The following AIG1 variants were observed in gnomAD, a reference collection of about 807,000 sequenced individuals.
AIG1 encodes the protein androgen induced 1.
A neutral mutation model predicts 31.4 loss-of-function variants in AIG1; 23 were observed. The ratio of observed to expected loss-of-function variants is 0.73; its 90% CI spans 0.53 to 1.04. The LOEUF (loss-of-function observed/expected upper bound fraction) is 1.04. Among genes scored for constraint, AIG1 ranks in the 50% least tolerant of loss-of-function variants. AIG1 has a pLI of 0.00. For missense variants in AIG1, 274 were observed against 295.0 expected (o/e 0.93, Z 0.52); for synonymous variants, 100 against 110.5 (o/e 0.90, Z 0.60).
chr6:143,284,270 C>T lies in AIG1; in HGVS notation c.515+45C>T. ...GGCTTTCTTATTGTATTAGATTTTG[C>T]ACTGCTAAATTTGGGCACATATTTC... is the stretch of plus-strand genomic sequence containing the variant. On this transcript the variant is annotated intron_variant, in intron 4 of 5. Coordinates refer to ENST00000357847, the MANE Select transcript of AIG1 (RefSeq NM_016108.4). The surrounding 1 kb of genome is among the most constrained non-coding windows in gnomAD (Gnocchi z 4.4). 1 of 1,425,860 alleles carries T rather than the reference C, an allele frequency of 7.0e-7. No homozygotes were observed. Among genetic ancestry groups the T allele is most frequent in the South Asian group, 1.2e-5 (1 of 84,008 alleles). The allele number at this position is 1,425,860 out of a possible 1,614,324, so 88.3% of individuals were successfully genotyped here.
chr6:143,235,453 A>C (rs1245835784), intron 3 of AIG1, among the ~76,000 whole-genome samples: 1 of 152,094 alleles, frequency 6.6e-6, no homozygotes, highest in African/African-American at 2.4e-5. Flanking sequence ...GGAAATGTAC[A>C]TATCTACAGG....
rs1476757487 is a variant in AIG1 at position 143,333,268 on chromosome 6, C to T, written c.516-14C>T. The T allele has an allele frequency of 1.6e-5, 25 of 1,595,338 alleles. No homozygotes were observed. Among genetic ancestry groups the T allele is most frequent in the Admixed American group, 7.1e-5 (4 of 56,634 alleles). On this transcript the variant is annotated splice_polypyrimidine_tract_variant and intron_variant, in intron 4 of 5. Transcript: ENST00000357847. The surrounding 1 kb of genome is among the most constrained non-coding windows in gnomAD (Gnocchi z 4.6). The stretch of plus-strand genomic sequence containing the variant: ...GTGACTCCTGTCCTTGTCTCCTTTC[C>T]GATTCTTTTGCAGGGTGTGCTGGGT...
intron 5 of AIG1, among the ~76,000 whole-genome samples, chr6:143,337,537 G>A (rs574804634): frequency 6.6e-6 from 1 of 152,282 alleles, no homozygotes; most frequent in Admixed American, 6.5e-5. Context: ...CTTTACTTAA[G>A]CTAAGACTTT....
At position 143,298,032 on chromosome 6, in the gene AIG1, A is replaced by G. The variant is rs1188448484; in HGVS notation, c.515+13807A>G. Among the ~76,000 whole-genome samples, 2 of 151,954 alleles carry G rather than the reference A, an allele frequency of 1.3e-5. No homozygotes were observed. The highest frequency in any genetic ancestry group is 2.9e-5 in the Non-Finnish European group (2 of 68,008). On this transcript the variant is annotated intron_variant, in intron 4 of 5. Coordinates refer to ENST00000357847, the MANE Select transcript of AIG1 (RefSeq NM_016108.4). This position sits in a 1 kb window ranked among gnomAD's most constrained non-coding sequence, Gnocchi z 5.1. ...TAAAAATACAAATCATTTTGCAACT[A>G]GAATGAGTAATTTAGCCCTGTGACA...
At chr6:143,167,823 G>T (rs2128568430) in intron 3 of AIG1, among the ~76,000 whole-genome samples, 1 of 152,252 alleles carries the variant, frequency 6.6e-6, no homozygotes, top group East Asian at 1.9e-4. Flanking sequence ...CTTTCACAAT[G>T]AATTTTGTGT....
chr6:143,323,391 T>G (rs1324698363), intron 4 of AIG1, among the ~76,000 whole-genome samples: 1 of 152,180 alleles, frequency 6.6e-6, no homozygotes, highest in Non-Finnish European at 1.5e-5. Context: ...ACATTTGGGC[T>G]AGCTCCACTG....
At chr6:143,176,128 A>G (rs1788135147) in intron 3 of AIG1, among the ~76,000 whole-genome samples, 3 of 152,054 alleles carry the variant, frequency 2.0e-5, no homozygotes, top group South Asian at 2.1e-4. Context: ...TGGTACTGGG[A>G]AGTGTCTGCA....
At chr6:143,343,274 G>T, downstream of AIG1, 1 of 642,028 alleles carries the variant, frequency 1.6e-6, no homozygotes, top group Non-Finnish European at 3.0e-6. Flanking sequence ...TTGGAATATG[G>T]TATGTTACTT....
intron 1 of AIG1, among the ~76,000 whole-genome samples, chr6:143,109,149 G>A (rs982367641): frequency 5.3e-5 from 8 of 151,950 alleles, no homozygotes; most frequent in African/African-American, 1.5e-4. Context: ...TTCAGTGTGC[G>A]TCTGTGAGGT....
intron 3 of AIG1, among the ~76,000 whole-genome samples, chr6:143,170,743 T>G (rs1787427610): frequency 6.6e-6 from 1 of 151,994 alleles, no homozygotes; most frequent in African/African-American, 2.4e-5. Context: ...TTTGCCATCT[T>G]TTCTTTTTAG....
chr6:143,235,199 T>G (rs1437372718), intron 3 of AIG1, among the ~76,000 whole-genome samples: 1 of 151,920 alleles, frequency 6.6e-6, no homozygotes, highest in Non-Finnish European at 1.5e-5. Flanking sequence ...ATGCCCCGGG[T>G]GCTGTGGAAA....
intron 1 of AIG1, among the ~76,000 whole-genome samples, chr6:143,068,627 A>G (rs574017887): frequency 6.6e-6 from 1 of 152,352 alleles, no homozygotes; most frequent in Admixed American, 6.5e-5. Context: ...ATACATACTT[A>G]TTATAGAAAA....
intron 2 of AIG1, among the ~76,000 whole-genome samples, chr6:143,155,237 C>T (rs1337016278): frequency 6.6e-6 from 1 of 152,142 alleles, no homozygotes; most frequent in Non-Finnish European, 1.5e-5. Context: ...ATGGAGTTTA[C>T]ATTCTACTGG....
At chr6:143,244,128 A>G (rs1487333214) in intron 3 of AIG1, among the ~76,000 whole-genome samples, 1 of 152,252 alleles carries the variant, frequency 6.6e-6, no homozygotes, top group East Asian at 1.9e-4. Flanking sequence ...ATATTGTGAG[A>G]TAAAATGATA....
At position 143,263,496 on chromosome 6, in the gene AIG1, TA is replaced by T. The variant is rs559355200; in HGVS notation, c.400-20607del. The stretch of plus-strand genomic sequence containing the variant: ...ACCACATTTTCTTTAATGTATGCTT[TA>T]AAAAAATTTTATGAATGTAACTTTA... On this transcript the variant is annotated intron_variant, in intron 3 of 5. Transcript: ENST00000357847. Among the ~76,000 whole-genome samples the T allele has an allele frequency of 9.2e-3, 1,400 of 152,218 alleles. 34 individuals are homozygous for T. Among genetic ancestry groups the T allele is most frequent in the African/African-American group, 0.032 (1,318 of 41,552 alleles).
intron 3 of AIG1, among the ~76,000 whole-genome samples, chr6:143,177,466 G>C (rs556239374): frequency 6.6e-6 from 1 of 152,282 alleles, no homozygotes; most frequent in South Asian, 2.1e-4. Context: ...ATGTTTTTCT[G>C]TATATGTATA....
chr6:143,257,181 C>T (rs539277546), intron 3 of AIG1, among the ~76,000 whole-genome samples: 1 of 152,322 alleles, frequency 6.6e-6, no homozygotes, highest in African/African-American at 2.4e-5. Context: ...CCGTCCATGC[C>T]CGATGGCTTT....
Position 143,327,572 on chromosome 6 carries a change from C to G in AIG1, c.516-5710C>G, listed in dbSNP as rs1270136678. The stretch of plus-strand genomic sequence containing the variant: ...AAAATATTCTGAGGATGAAGATTCA[C>G]CAAATAAGCTCTATACTTCAGTTAC... On this transcript the variant is annotated intron_variant, in intron 4 of 5. Coordinates refer to ENST00000357847, the MANE Select transcript of AIG1 (RefSeq NM_016108.4). This position sits in a 1 kb window ranked among gnomAD's most constrained non-coding sequence, Gnocchi z 5.3. The G allele has an allele frequency of 2.7e-6, 1 of 371,598 alleles. No individual in the cohort carries two copies. The highest frequency in any genetic ancestry group is 5.1e-6 in the Non-Finnish European group (1 of 196,582). The allele number at this position is 371,598 out of a possible 1,614,324, so 23.0% of individuals were successfully genotyped here.
rs1451761880 is a variant in AIG1, at chr6:143,256,913, T to G, written c.400-27197T>G. Reference sequence around the variant, plus strand: ...TGCAAAAATTAAGACAACATACATGTCCTTTTCTTCATTTTATGACAATGG... The same window carrying G: ...TGCAAAAATTAAGACAACATACATGGCCTTTTCTTCATTTTATGACAATGG... On this transcript the variant is annotated intron_variant, in intron 3 of 5. Transcript: ENST00000357847. The surrounding 1 kb of genome is among the most constrained non-coding windows in gnomAD (Gnocchi z 4.6). Among the ~76,000 whole-genome samples the G allele has an allele frequency of 6.6e-6, 1 of 152,210 alleles. No individual in the cohort carries two copies. Among genetic ancestry groups the G allele is most frequent in the Non-Finnish European group, 1.5e-5 (1 of 68,034 alleles).
Sources: gnomAD v4.1 joint callset for allele counts (sites outside exome capture counted in the v4.1 genomes callset) on GRCh38, gnomAD v4.1.1 for gene constraint, Gnocchi (gnomAD v3.1) non-coding constraint, MANE v1.5 for transcripts, NCBI Gene and HGNC (gene_info 2026-07-23, HGNC 2026-07-21) for gene names.